FZR1: variants seen among roughly 807,000 people sequenced by gnomAD.
FZR1 encodes fizzy and cell division cycle 20 related 1, also known as fizzy-related protein homolog.
Under a neutral mutation model 63.6 loss-of-function variants are expected in FZR1, and 11 were observed. The ratio of observed to expected loss-of-function variants is 0.17; its 90% CI spans 0.11 to 0.29. FZR1 has a LOEUF of 0.29. Among genes scored for constraint, FZR1 ranks in the 10% least tolerant of loss-of-function variants. The pLI, the probability that FZR1 is intolerant of heterozygous loss-of-function variation, is 1.00. For missense variants in FZR1, 440 were observed against 687.5 expected, an observed-to-expected ratio of 0.64 and a Z score of 4.03; for synonymous variants, 328 against 297.9, an observed-to-expected ratio of 1.10 and a Z score of -1.04.
chr19:3,527,321 C>T (rs1033997310), intron 6 of FZR1, among the ~76,000 whole-genome samples: 4 of 152,222 alleles, frequency 2.6e-5, no homozygotes, highest in Non-Finnish European at 5.9e-5. Flanking sequence ...CAGAGATCCC[C>T]TTGCTGAGGG....
At position 3,536,123 on chromosome 19, in the gene FZR1, C is replaced by T. The variant is rs2029953040; in HGVS notation, c.*1287C>T. Reference sequence around the variant, plus strand: ...CCCCCACTCCCCACTCCCCACATCCCAACATCCTGGTGTCTGTCCCCAGTG... The same window carrying T: ...CCCCCACTCCCCACTCCCCACATCCTAACATCCTGGTGTCTGTCCCCAGTG... On this transcript the variant is annotated 3_prime_UTR_variant, in exon 14 of 14. Transcript: ENST00000441788. 1 of 152,280 alleles carries T rather than the reference C, an allele frequency of 6.6e-6. No individual in the cohort carries two copies. The highest frequency in any genetic ancestry group is 2.4e-5 in the African/African-American group (1 of 41,456). 9.4% of individuals were successfully genotyped at this position (152,280 alleles called of 1,614,324 possible). A position where few individuals can be genotyped will look rare whatever the true frequency, so the allele number is the denominator to read the frequency against.
chr19:3,520,598 C>G (rs1048623821), intron 1 of FZR1, among the ~76,000 whole-genome samples: 1 of 152,246 alleles, frequency 6.6e-6, no homozygotes, highest in Admixed American at 6.5e-5. Context: ...GCTCTTGTCC[C>G]TCAGAGCCTG....
intron 1 of FZR1, among the ~76,000 whole-genome samples, chr19:3,517,369 G>A (rs1419894314): frequency 6.7e-6 from 1 of 149,722 alleles, no homozygotes; most frequent in African/African-American, 2.5e-5. Context: ...CAGCCTAGGT[G>A]ACAGAGTGAG....
intron 6 of FZR1, among the ~76,000 whole-genome samples, chr19:3,527,263 A>G (rs369347072): frequency 1.3e-5 from 2 of 152,086 alleles, no homozygotes; most frequent in Non-Finnish European, 2.9e-5. Context: ...CCAGCCCCCC[A>G]TGAGGCCATG....
Position 3,516,212 on chromosome 19 carries a change from C to T in FZR1, c.-34-6744C>T, listed in dbSNP as rs1437013608. 6.6e-6 allele frequency among the ~76,000 whole-genome samples: 1 copy of T among 152,150 alleles called. No individual in the cohort carries two copies. Among genetic ancestry groups the T allele is most frequent in the Non-Finnish European group, 1.5e-5 (1 of 68,028 alleles). Reference sequence around the variant, plus strand: ...CTCCCCACGCCTGGGATGGTGAGGCCGAGTCCCCCAGCCCACAGCCTCCCC... The same window carrying T: ...CTCCCCACGCCTGGGATGGTGAGGCTGAGTCCCCCAGCCCACAGCCTCCCC... On this transcript the variant is annotated intron_variant, in intron 1 of 13. Transcript: ENST00000441788. The surrounding 1 kb of genome is among the most constrained non-coding windows in gnomAD (Gnocchi z 6.0).
In FZR1 at chr19:3,533,730, C is replaced by G; in HGVS notation, c.1347+332C>G. 1 of 298,402 alleles carries G rather than the reference C, an allele frequency of 3.4e-6. No individual in the cohort carries two copies. The highest frequency in any genetic ancestry group is 4.8e-5 in the South Asian group (1 of 20,808). 18.5% of individuals were successfully genotyped at this position (298,402 alleles called of 1,614,324 possible). ...ACCACTCAGATGACCCTGTGAACGT[C>G]CTACACAGTAACTGTATGCACGTGG... On this transcript the variant is annotated intron_variant, in intron 12 of 13. Transcript: ENST00000441788. This position sits in a 1 kb window ranked among gnomAD's most constrained non-coding sequence, Gnocchi z 4.9.
At chr19:3,524,265 C>T (rs770859431) in intron 2 of FZR1, among the ~76,000 whole-genome samples, 6 of 152,184 alleles carry the variant, frequency 3.9e-5, no homozygotes, top group South Asian at 2.1e-4. Flanking sequence ...GAGGGCGGGG[C>T]GCAGTGCGAG....
chr19:3,532,388 GC>G, intron 10 of FZR1, 28 bp from the exon 11 acceptor site: 1 of 1,548,482 alleles, frequency 6.5e-7, no homozygotes, highest in Non-Finnish European at 8.8e-7. Flanking sequence ...GGCTGGGACA[GC>G]CCCGGCCTCA....
chr19:3,520,494 C>G (rs1316760983), intron 1 of FZR1, among the ~76,000 whole-genome samples: 1 of 152,348 alleles, frequency 6.6e-6, no homozygotes, highest in Admixed American at 6.5e-5. Context: ...CTCATCTGCA[C>G]AGGCGGTGGG....
intron 1 of FZR1, among the ~76,000 whole-genome samples, chr19:3,511,730 C>T (rs1244175241): frequency 6.6e-6 from 1 of 152,126 alleles, no homozygotes; most frequent in Non-Finnish European, 1.5e-5. Context: ...GGTGTATTCC[C>T]GGGGCCCAGG....
In FZR1 at chr19:3,537,236, G is replaced by A. The variant is rs2030010932; in HGVS notation, c.*2400G>A. The A allele has an allele frequency of 6.6e-6, 1 of 152,422 alleles. No individual in the cohort carries two copies. Among genetic ancestry groups the A allele is most frequent in the Non-Finnish European group, 1.5e-5 (1 of 68,154 alleles). The allele number at this position is 152,422 out of a possible 1,614,324, so 9.4% of individuals were successfully genotyped here. On this transcript the variant is annotated 3_prime_UTR_variant, in exon 14 of 14. Transcript: ENST00000441788. Reference sequence around the variant, plus strand: ...CTGAGAGGAGGTGGAGGGGCCCCAGGGGAGTGTACGTCAGGCTTTGCGGGG... The same window carrying A: ...CTGAGAGGAGGTGGAGGGGCCCCAGAGGAGTGTACGTCAGGCTTTGCGGGG...
rs563167359 is a variant in FZR1, at chr19:3,515,835, C to T, written c.-34-7121C>T. Among the ~76,000 whole-genome samples the T allele has an allele frequency of 6.6e-6, 1 of 152,096 alleles. No individual in the cohort carries two copies. The highest frequency in any genetic ancestry group is 6.5e-5 in the Admixed American group (1 of 15,268). Reference sequence around the variant, plus strand: ...CCAGGAGAAATAAGGCTTCTTTCCTCCCCAATCCTCGTCCTCTCCTTCCTC... The same window carrying T: ...CCAGGAGAAATAAGGCTTCTTTCCTTCCCAATCCTCGTCCTCTCCTTCCTC... On this transcript the variant is annotated intron_variant, in intron 1 of 13. Coordinates refer to ENST00000441788, the MANE Select transcript of FZR1 (RefSeq NM_016263.4). The surrounding 1 kb of genome is among the most constrained non-coding windows in gnomAD (Gnocchi z 4.6).
intron 7 of FZR1, among the ~76,000 whole-genome samples, chr19:3,528,831 ATGGATGAGAGAGTGGATGGGTGAG>A (rs1232398714): frequency 3.6e-4 from 34 of 94,552 alleles, no homozygotes; most frequent in African/African-American, 1.2e-3. Context: ...GGATGGGAGA[ATGGATGAGAGAGTGGATGGGTGAG>A]TGGATGAGAG....
In FZR1 at chr19:3,538,331, G is replaced by C; in HGVS notation, c.*3495G>C. 1 of 190,436 alleles carries C rather than the reference G, an allele frequency of 5.3e-6. No individual in the cohort carries two copies. Among genetic ancestry groups the C allele is most frequent in the Admixed American group, 5.6e-5 (1 of 17,996 alleles). 11.8% of individuals were successfully genotyped at this position (190,436 alleles called of 1,614,324 possible). A position where few individuals can be genotyped will look rare whatever the true frequency, so the allele number is the denominator to read the frequency against. Reference sequence around the variant, plus strand: ...AAAATACAAAATCTACCGTCTTACAGTGAGGTGGCGTTCAGTACCTTCACC... The same window carrying C: ...AAAATACAAAATCTACCGTCTTACACTGAGGTGGCGTTCAGTACCTTCACC... On this transcript the variant is annotated 3_prime_UTR_variant, in exon 14 of 14. Coordinates refer to ENST00000441788, the MANE Select transcript of FZR1 (RefSeq NM_016263.4).
intron 1 of FZR1, among the ~76,000 whole-genome samples, chr19:3,517,226 C>T (rs2083064883): frequency 6.6e-6 from 1 of 151,876 alleles, no homozygotes; most frequent in Non-Finnish European, 1.5e-5. Flanking sequence ...TCCATCTCTA[C>T]AAAAAATACA....
Position 3,526,497 on chromosome 19 carries a change from C to G in FZR1, c.387+111C>G, listed in dbSNP as rs1485572591. 1 of 801,740 alleles carries G rather than the reference C, an allele frequency of 1.2e-6. No individual in the cohort carries two copies. The highest frequency in any genetic ancestry group is 2.3e-5 in the Admixed American group (1 of 44,112). 49.7% of individuals were successfully genotyped at this position (801,740 alleles called of 1,614,324 possible). ...CCCGAGCCCGGTTCTCGGGCCCAGC[C>G]ACGGCTCAGCACCCCCGCCCTGACC... On this transcript the variant is annotated intron_variant, in intron 5 of 13. Coordinates refer to ENST00000441788, the MANE Select transcript of FZR1 (RefSeq NM_016263.4). This position sits in a 1 kb window ranked among gnomAD's most constrained non-coding sequence, Gnocchi z 5.4.
intron 10 of FZR1, 69 bp from the exon 11 acceptor site, chr19:3,532,348 A>T: frequency 7.8e-7 from 1 of 1,275,166 alleles, no homozygotes; most frequent in Non-Finnish European, 1.1e-6. Context: ...AGGTCGTCAC[A>T]CCTGTGAGGA....
chr19:3,520,063 C>G (rs752397503), intron 1 of FZR1, among the ~76,000 whole-genome samples: 1 of 152,242 alleles, frequency 6.6e-6, no homozygotes, highest in Non-Finnish European at 1.5e-5. Context: ...GCTCAGGTCT[C>G]TATAGACCCT....
chr19:3,525,432 C>CTTTTTTTTTTTT lies in FZR1; in HGVS notation c.70-419_70-408dup, dbSNP rs57486013. Among the ~76,000 whole-genome samples the CTTTTTTTTTTTT allele has an allele frequency of 2.0e-4, 14 of 68,742 alleles. 1 individual carries two copies. The highest frequency in any genetic ancestry group is 7.9e-4 in the African/African-American group (13 of 16,546). The allele number at this position is 68,742 out of a possible 152,430, so 45.1% of individuals were successfully genotyped here. A position where few individuals can be genotyped will look rare whatever the true frequency, so the allele number is the denominator to read the frequency against. On this transcript the variant is annotated intron_variant, in intron 2 of 13. Coordinates refer to ENST00000441788, the MANE Select transcript of FZR1 (RefSeq NM_016263.4). The surrounding 1 kb of genome is among the most constrained non-coding windows in gnomAD (Gnocchi z 4.2). ...TGTGTGGCTCCCCTCCTTGGGTTTT[C>CTTTTTTTTTTTT]TTTTTTTTTTTTTTTTTTTTTTTTT...
Sources: allele counts gnomAD v4.1 joint callset (sites outside exome capture counted in the v4.1 genomes callset), GRCh38; gene constraint gnomAD v4.1.1; non-coding constraint Gnocchi (gnomAD v3.1); transcripts MANE v1.5; gene names NCBI Gene and HGNC (gene_info 2026-07-23, HGNC 2026-07-21).